TRDN: variants seen among roughly 807,000 people sequenced by gnomAD.
TRDN encodes the protein triadin.
TRDN carries 161 observed loss-of-function variants against 149.7 expected under a neutral mutation model. That is an observed-to-expected ratio of 1.08 (90% confidence interval 0.95 to 1.23). TRDN has a LOEUF of 1.23. TRDN is among the 50% of genes most tolerant of loss of function. The pLI, the probability that TRDN is intolerant of heterozygous loss-of-function variation, is 0.00. For missense variants in TRDN, 896 were observed against 823.5 expected (o/e 1.09, Z -1.08); for synonymous variants, 294 against 250.5 (o/e 1.17, Z -1.64).
intron 2 of TRDN, among the ~76,000 whole-genome samples, chr6:123,562,226 C>T (rs773721040): frequency 4.6e-5 from 7 of 152,110 alleles, no homozygotes; most frequent in Non-Finnish European, 7.3e-5. Context: ...ATAAAATGGC[C>T]GCATCCCTAT....
intron 8 of TRDN, chr6:123,502,753 A>G: frequency 1.0e-6 from 1 of 984,888 alleles, no homozygotes; most frequent in Non-Finnish European, 1.2e-6. Context: ...CAGTCCTTAG[A>G]TAACATTAGT....
intron 39 of TRDN, among the ~76,000 whole-genome samples, chr6:123,222,396 G>A (rs1433880512): frequency 6.6e-6 from 1 of 151,474 alleles, no homozygotes; most frequent in Non-Finnish European, 1.5e-5. Context: ...TTAATTCTAG[G>A]GAGACCTACA....
chr6:123,243,370 C>G (rs1171699851), intron 38 of TRDN, among the ~76,000 whole-genome samples: 1 of 151,960 alleles, frequency 6.6e-6, no homozygotes, highest in Non-Finnish European at 1.5e-5. Context: ...ATATGGAAAA[C>G]AAAACAAGAA....
chr6:123,267,333 T>C (rs1477224079), intron 32 of TRDN, among the ~76,000 whole-genome samples: 1 of 152,024 alleles, frequency 6.6e-6, no homozygotes, highest in Non-Finnish European at 1.5e-5. Flanking sequence ...TATATCAAGC[T>C]GAAATTCACA....
intron 23 of TRDN, among the ~76,000 whole-genome samples, chr6:123,323,608 T>C (rs1405420372): frequency 1.3e-5 from 2 of 152,210 alleles, no homozygotes; most frequent in East Asian, 1.9e-4. Context: ...CAATCCTTCC[T>C]TGGCAAAATT....
chr6:123,406,888 C>A (rs1773213500), intron 12 of TRDN, among the ~76,000 whole-genome samples: 1 of 152,134 alleles, frequency 6.6e-6, no homozygotes, highest in South Asian at 2.1e-4. Context: ...TCTCCCCTTG[C>A]TCCAAGCCTG....
chr6:123,334,363 T>C (rs142108239), intron 22 of TRDN, among the ~76,000 whole-genome samples: 153 of 152,156 alleles, frequency 1.0e-3, no homozygotes, highest in African/African-American at 3.6e-3. Flanking sequence ...AACCTAAAAG[T>C]GCTATTATTT....
At chr6:123,340,109 T>C (rs1279112041) in intron 21 of TRDN, among the ~76,000 whole-genome samples, 2 of 152,118 alleles carry the variant, frequency 1.3e-5, no homozygotes. Flanking sequence ...TTGTAGAATA[T>C]AAAAGGTATA....
At chr6:123,235,051 G>C (rs1775735386) in intron 38 of TRDN, among the ~76,000 whole-genome samples, 1 of 152,010 alleles carries the variant, frequency 6.6e-6, no homozygotes. Context: ...AGAATAGGTA[G>C]ACAGCAAAAA....
chr6:123,592,098 T>C (rs1783818490), intron 1 of TRDN, among the ~76,000 whole-genome samples: 1 of 152,218 alleles, frequency 6.6e-6, no homozygotes, highest in South Asian at 2.1e-4. Context: ...ATCCTGCTCG[T>C]CCAAATAGAC....
intron 38 of TRDN, among the ~76,000 whole-genome samples, chr6:123,249,697 T>C (rs1235726014): frequency 2.0e-5 from 3 of 152,104 alleles, no homozygotes; most frequent in African/African-American, 4.8e-5. Flanking sequence ...AAATTTATCA[T>C]GCATTATCAC....
chr6:123,337,149 A>T (rs1424422068), intron 22 of TRDN, among the ~76,000 whole-genome samples: 1 of 152,056 alleles, frequency 6.6e-6, no homozygotes, highest in African/African-American at 2.4e-5. Context: ...ATTTGAAAAT[A>T]TCAGAATGCA....
chr6:123,381,977 C>T, intron 15 of TRDN, 141 bp downstream of exon 15: 1 of 556,732 alleles, frequency 1.8e-6, no homozygotes, highest in Non-Finnish European at 2.9e-6. Context: ...CTCTCTCTCT[C>T]TCTCTCTCTC....
Position 123,391,946 on chromosome 6 carries a change from A to G in TRDN, c.1105+1678T>C, listed in dbSNP as rs1772494525. On this transcript the variant is annotated intron_variant, in intron 13 of 40. Transcript: ENST00000334268. ...ATTATATGCCTATGGCATTAAAATA[A>G]ACATATCTAAGAAAGATCTATGGAG... Among the ~76,000 whole-genome samples the G allele has an allele frequency of 2.0e-5, 3 of 152,116 alleles. No individual in the cohort carries two copies. The South Asian group carries it at 6.2e-4, about 31-fold the overall frequency.
rs188968386 is a variant in TRDN, at chr6:123,584,659, C to T, written c.23-13527G>A. Among the ~76,000 whole-genome samples, 1,478 of 152,226 alleles carry T rather than the reference C, an allele frequency of 9.7e-3. 16 individuals are homozygous for T. Among genetic ancestry groups the T allele is most frequent in the African/African-American group, 0.032 (1,317 of 41,516 alleles). ...AAGTAATGGGGGCTGTCTGTGAAGC[C>T]TTGCGGCAGTACAGCCTAGGTAATT... On this transcript the variant is annotated intron_variant, in intron 1 of 40. Coordinates refer to ENST00000334268, the MANE Select transcript of TRDN (RefSeq NM_006073.4).
chr6:123,449,298 C>T (rs1371300945), intron 10 of TRDN, among the ~76,000 whole-genome samples: 1 of 151,888 alleles, frequency 6.6e-6, no homozygotes, highest in Non-Finnish European at 1.5e-5. Context: ...AAAGGTGAAG[C>T]CCAGTGCAAG....
At chr6:123,604,874 C>G (rs1164664101) in intron 1 of TRDN, among the ~76,000 whole-genome samples, 1 of 151,918 alleles carries the variant, frequency 6.6e-6, no homozygotes, top group Non-Finnish European at 1.5e-5. Flanking sequence ...TCAAGGAAAA[C>G]AAGTAAGTTT....
intron 21 of TRDN, chr6:123,352,170 C>A (rs1351424413): frequency 1.0e-6 from 1 of 980,972 alleles, no homozygotes; most frequent in African/African-American, 1.8e-5. Flanking sequence ...AGGATTGGGC[C>A]ATCTTTATTT....
At chr6:123,509,842 A>G (rs1203041823) in intron 7 of TRDN, 1 of 152,142 alleles carries the variant, frequency 6.6e-6, no homozygotes, top group Non-Finnish European at 1.5e-5. Context: ...GAAGACCTGT[A>G]TTTAATTATT....
Sources: allele counts gnomAD v4.1 joint callset (sites outside exome capture counted in the v4.1 genomes callset), GRCh38; gene constraint gnomAD v4.1.1; transcripts MANE v1.5; gene names NCBI Gene and HGNC (gene_info 2026-07-23, HGNC 2026-07-21).